The following CA10 variants were observed in gnomAD, a reference collection of about 807,000 sequenced individuals.
The protein encoded by CA10 is carbonic anhydrase-related protein 10.
CA10 carries 14 observed loss-of-function variants against 44.2 expected under a neutral mutation model. The ratio of observed to expected loss-of-function variants is 0.32; its 90% CI spans 0.21 to 0.50. The LOEUF (loss-of-function observed/expected upper bound fraction) is 0.50. Ranked by LOEUF, CA10 falls within the 20% of genes least tolerant of loss-of-function variation. The pLI, the probability that CA10 is intolerant of heterozygous loss-of-function variation, is 0.99. For missense variants in CA10, 350 were observed against 409.7 expected (o/e 0.85, Z 1.26); for synonymous variants, 159 against 141.6 (o/e 1.12, Z -0.87).
intron 1 of CA10, among the ~76,000 whole-genome samples, chr17:52,076,171 T>C (rs1987813762): frequency 6.6e-6 from 1 of 152,162 alleles, no homozygotes; most frequent in Admixed American, 6.5e-5. Flanking sequence ...CACTCCCCTC[T>C]AAGGACAACC....
At chr17:52,039,602 T>C (rs138657842) in intron 2 of CA10, among the ~76,000 whole-genome samples, 9 of 152,212 alleles carry the variant, frequency 5.9e-5, no homozygotes, top group African/African-American at 1.7e-4. Flanking sequence ...ATTAAATCTC[T>C]ACACATTTGA....
chr17:51,867,296 A>G (rs1979592731), intron 3 of CA10, among the ~76,000 whole-genome samples: 1 of 152,196 alleles, frequency 6.6e-6, no homozygotes, highest in African/African-American at 2.4e-5. Context: ...CAAGGAAATG[A>G]GATTCTCAAT....
intron 3 of CA10, among the ~76,000 whole-genome samples, chr17:51,790,273 G>A (rs1440070749): frequency 1.3e-5 from 2 of 152,150 alleles, no homozygotes; most frequent in Non-Finnish European, 2.9e-5. Context: ...TTGCCTCAAT[G>A]ATGCGAAGAG....
intron 3 of CA10, among the ~76,000 whole-genome samples, chr17:51,838,843 TCTC>T (rs770002777): frequency 6.6e-6 from 1 of 152,206 alleles, no homozygotes. Flanking sequence ...CATCTCCACT[TCTC>T]CTATCAAAGA....
intron 6 of CA10, among the ~76,000 whole-genome samples, chr17:51,638,173 G>A (rs1429561293): frequency 6.6e-6 from 1 of 152,168 alleles, no homozygotes; most frequent in Non-Finnish European, 1.5e-5. Context: ...CAATTAAATT[G>A]TGAACAAATC....
intron 3 of CA10, among the ~76,000 whole-genome samples, chr17:51,806,649 A>C (rs1007144547): frequency 6.6e-6 from 1 of 152,246 alleles, no homozygotes; most frequent in Non-Finnish European, 1.5e-5. Context: ...GCATCTCTTC[A>C]AGGATCAAGA....
intron 4 of CA10, among the ~76,000 whole-genome samples, chr17:51,733,499 G>A (rs561485649): frequency 6.6e-6 from 1 of 152,082 alleles, no homozygotes. Flanking sequence ...CTTTAATTAA[G>A]GGGGAAATAT....
chr17:51,717,868 T>C (rs1362319403), intron 4 of CA10, among the ~76,000 whole-genome samples: 2 of 105,904 alleles, frequency 1.9e-5, no homozygotes, highest in African/African-American at 4.0e-5. Context: ...TATATATATA[T>C]ACAGGATAGA....
At chr17:52,126,526 T>C (rs539600451) in intron 1 of CA10, among the ~76,000 whole-genome samples, 1 of 152,354 alleles carries the variant, frequency 6.6e-6, no homozygotes, top group African/African-American at 2.4e-5. Context: ...GCTGTGCCCT[T>C]GAAAGCATCA....
intron 2 of CA10, among the ~76,000 whole-genome samples, chr17:51,973,506 G>T (rs932702621): frequency 2.0e-5 from 3 of 152,306 alleles, no homozygotes; most frequent in Middle Eastern, 3.4e-3. Flanking sequence ...AATAACTTCT[G>T]GGGAATTGTG....
chr17:52,151,450 C>A (rs996828610), intron 1 of CA10, among the ~76,000 whole-genome samples: 16 of 152,084 alleles, frequency 1.1e-4, no homozygotes, highest in African/African-American at 3.9e-4. Flanking sequence ...CTTGTATCTA[C>A]AAACGACAGA....
At chr17:51,897,772 T>C (rs1356295569) in intron 3 of CA10, among the ~76,000 whole-genome samples, 1 of 152,176 alleles carries the variant, frequency 6.6e-6, no homozygotes, top group African/African-American at 2.4e-5. Context: ...ATTGTAGAGA[T>C]CTTTTACCTC....
intron 1 of CA10, among the ~76,000 whole-genome samples, chr17:52,121,914 C>T (rs1203997446): frequency 6.6e-6 from 1 of 152,208 alleles, no homozygotes; most frequent in African/African-American, 2.4e-5. Flanking sequence ...CACTCGTCCC[C>T]AACCTCTGGT....
At chr17:51,929,227 TTTTTC>T (rs1323804306) in intron 3 of CA10, among the ~76,000 whole-genome samples, 1 of 151,766 alleles carries the variant, frequency 6.6e-6, no homozygotes, top group African/African-American at 2.4e-5. Flanking sequence ...TGTTGACATT[TTTTTC>T]TTTCACATCA....
At chr17:51,850,333 G>A (rs1468692945) in intron 3 of CA10, among the ~76,000 whole-genome samples, 2 of 152,194 alleles carry the variant, frequency 1.3e-5, no homozygotes, top group East Asian at 1.9e-4. Flanking sequence ...ACCCATGCTA[G>A]TCAAATGGTC....
intron 3 of CA10, among the ~76,000 whole-genome samples, chr17:51,903,634 T>C (rs1352945334): frequency 1.3e-5 from 2 of 152,192 alleles, no homozygotes; most frequent in East Asian, 3.9e-4. Context: ...AACCTGATTA[T>C]ACTCTTTCTA....
rs1164332017 is a variant in CA10, at chr17:51,760,032, A to G, written c.280-12214T>C. Reference sequence around the variant, plus strand: ...TTCTAGTTTAATGTCATTTAATTCAATCCCTGATTCACAGGGCTTCAGGCA... The same window carrying G: ...TTCTAGTTTAATGTCATTTAATTCAGTCCCTGATTCACAGGGCTTCAGGCA... On this transcript the variant is annotated intron_variant, in intron 3 of 8. Coordinates refer to ENST00000451037, the MANE Select transcript of CA10 (RefSeq NM_020178.5). 3.3e-5 allele frequency among the ~76,000 whole-genome samples: 5 copies of G among 152,194 alleles called. No individual in the cohort carries two copies. In the South Asian group the frequency reaches 8.3e-4, roughly 25 times the overall value.
rs963952304 is a variant in CA10 at position 52,072,482 on chromosome 17, A to C, written c.62-89T>G. The stretch of plus-strand genomic sequence containing the variant: ...CGAGTAAGAAGGGTGAATATCCATA[A>C]AATAACCCTTTTCTACCCCAAAGTC... On this transcript the variant is annotated intron_variant, in intron 1 of 8. Coordinates refer to ENST00000451037, the MANE Select transcript of CA10 (RefSeq NM_020178.5). 5.4e-6 allele frequency: 5 copies of C among 919,922 alleles called. No individual in the cohort carries two copies. The African/African-American group carries it at 8.3e-5, about 15-fold the overall frequency. The allele number at this position is 919,922 out of a possible 1,614,324, so 57.0% of individuals were successfully genotyped here.
intron 2 of CA10, among the ~76,000 whole-genome samples, chr17:52,055,094 G>T (rs1398360386): frequency 2.0e-5 from 3 of 151,976 alleles, no homozygotes; most frequent in Non-Finnish European, 2.9e-5. Context: ...CAGGAATAAA[G>T]ATGATATCCT....
Sources: gnomAD v4.1 joint callset for allele counts (sites outside exome capture counted in the v4.1 genomes callset) on GRCh38, gnomAD v4.1.1 for gene constraint, MANE v1.5 for transcripts, NCBI Gene and HGNC (gene_info 2026-07-23, HGNC 2026-07-21) for gene names.